Variants in NELL1 observed in about 807,000 individuals in gnomAD.
NELL1 encodes the protein neural EGFL like 1.
Under a neutral mutation model 107.4 loss-of-function variants are expected in NELL1, and 76 were observed. The ratio of observed to expected loss-of-function variants is 0.71; its 90% CI spans 0.59 to 0.86. NELL1 has a LOEUF of 0.86. Ranked by LOEUF, NELL1 falls within the 40% of genes least tolerant of loss-of-function variation. The pLI is 0.00. For missense variants in NELL1, 1,024 were observed against 1,005.5 expected, an observed-to-expected ratio of 1.02 and a Z score of -0.25; for synonymous variants, 353 against 341.2, an observed-to-expected ratio of 1.03 and a Z score of -0.38.
intron 1 of NELL1, among the ~76,000 whole-genome samples, chr11:20,676,129 A>T (rs1217936636): frequency 1.3e-5 from 2 of 151,910 alleles, no homozygotes; most frequent in African/African-American, 4.8e-5. Context: ...GGACACTCCC[A>T]GTTTGTTCCT....
At chr11:21,467,229 C>A (rs138960711) in intron 15 of NELL1, among the ~76,000 whole-genome samples, 43 of 152,200 alleles carry the variant, frequency 2.8e-4, no homozygotes, top group Non-Finnish European at 5.1e-4. Context: ...ACAAGGTACT[C>A]AGCCACTCTG....
intron 15 of NELL1, among the ~76,000 whole-genome samples, chr11:21,425,029 C>T (rs533135288): frequency 1.3e-5 from 2 of 152,102 alleles, no homozygotes; most frequent in South Asian, 4.2e-4. Flanking sequence ...TGCAAACATC[C>T]TCAAAAAAAT....
intron 17 of NELL1, among the ~76,000 whole-genome samples, chr11:21,563,273 A>G (rs961200243): frequency 2.0e-5 from 3 of 152,208 alleles, no homozygotes; most frequent in Non-Finnish European, 4.4e-5. Context: ...CCTGTGCTAC[A>G]TGGGAAGGTA....
intron 12 of NELL1, among the ~76,000 whole-genome samples, chr11:21,022,001 T>G (rs1430943952): frequency 6.6e-6 from 1 of 152,110 alleles, no homozygotes; most frequent in Non-Finnish European, 1.5e-5. Flanking sequence ...GCATCATCTT[T>G]GACCTCTTCC....
intron 3 of NELL1, among the ~76,000 whole-genome samples, chr11:20,807,361 C>T (rs1432277397): frequency 6.6e-6 from 1 of 152,148 alleles, no homozygotes. Context: ...TCTGGATTGC[C>T]AGGCTGAGAC....
At chr11:21,116,992 C>T (rs1855252172) in intron 13 of NELL1, among the ~76,000 whole-genome samples, 1 of 151,964 alleles carries the variant, frequency 6.6e-6, no homozygotes. Context: ...CCTTCTTTCC[C>T]TTCTGTCTTT....
At chr11:21,544,885 G>C (rs1003184433) in intron 16 of NELL1, among the ~76,000 whole-genome samples, 1 of 148,938 alleles carries the variant, frequency 6.7e-6, no homozygotes. Flanking sequence ...TTCAGATGAG[G>C]TTTTTTTTTT....
intron 2 of NELL1, among the ~76,000 whole-genome samples, chr11:20,682,254 T>C (rs975939971): frequency 6.6e-6 from 1 of 151,964 alleles, no homozygotes; most frequent in Non-Finnish European, 1.5e-5. Context: ...TCTTTAATTG[T>C]AACATCTGTA....
chr11:21,000,361 C>A (rs73458763), intron 12 of NELL1, among the ~76,000 whole-genome samples: 1 of 152,070 alleles, frequency 6.6e-6, no homozygotes, highest in African/African-American at 2.4e-5. Context: ...CTTAAGGGAA[C>A]CTTTATGAAC....
chr11:21,008,976 C>A (rs1186816652), intron 12 of NELL1, among the ~76,000 whole-genome samples: 1 of 152,044 alleles, frequency 6.6e-6, no homozygotes, highest in Non-Finnish European at 1.5e-5. Context: ...CAACGGGATC[C>A]AATCAGGTTC....
At chr11:20,865,769 G>A in intron 4 of NELL1, among the ~76,000 whole-genome samples, 1 of 152,098 alleles carries the variant, frequency 6.6e-6, no homozygotes, top group East Asian at 1.9e-4. Flanking sequence ...CACACTGTGA[G>A]GTGCCACCAT....
chr11:21,353,799 ACTTC>A (rs1850869729), intron 14 of NELL1, among the ~76,000 whole-genome samples: 1 of 152,222 alleles, frequency 6.6e-6, no homozygotes, highest in Non-Finnish European at 1.5e-5. Flanking sequence ...TCTAATGCTT[ACTTC>A]CTTGGTTGAG....
chr11:21,327,155 A>T (rs1402992125), intron 14 of NELL1, among the ~76,000 whole-genome samples: 1 of 102,994 alleles, frequency 9.7e-6, no homozygotes, highest in Non-Finnish European at 1.8e-5. Flanking sequence ...TTCTCATGAG[A>T]TCTGATGTTT....
chr11:21,159,287 C>G (rs2133797342), intron 13 of NELL1, among the ~76,000 whole-genome samples: 1 of 152,224 alleles, frequency 6.6e-6, no homozygotes. Flanking sequence ...ATCATACATC[C>G]TCCTCAGTTC....
In NELL1 at chr11:20,960,287, A is replaced by G. The variant is rs551342655; in HGVS notation, c.1172-145A>G. ...CAAAGTTTCCTATATCTATTCTGCC[A>G]CTTTCCTATCCAGTTTATCCGTGCA... On this transcript the variant is annotated intron_variant, in intron 11 of 19. Transcript: ENST00000357134. 3.0e-5 allele frequency: 25 copies of G among 821,424 alleles called. No individual in the cohort carries two copies. In the East Asian group the frequency reaches 6.5e-4, roughly 21 times the overall value. The allele number at this position is 821,424 out of a possible 1,614,324, so 50.9% of individuals were successfully genotyped here.
At chr11:20,705,338 C>T (rs573665110) in intron 2 of NELL1, among the ~76,000 whole-genome samples, 1 of 152,164 alleles carries the variant, frequency 6.6e-6, no homozygotes, top group South Asian at 2.1e-4. Context: ...TGGAACAGAA[C>T]AGAGCCCTCA....
intron 15 of NELL1, among the ~76,000 whole-genome samples, chr11:21,456,494 TAAATTGTTGGGG>T (rs939239408): frequency 2.0e-5 from 3 of 152,132 alleles, no homozygotes; most frequent in Non-Finnish European, 2.9e-5. Flanking sequence ...AGTTATTTTA[TAAATTGTTGGGG>T]ATTTTATTAT....
intron 12 of NELL1, among the ~76,000 whole-genome samples, chr11:21,025,663 G>A (rs188725943): frequency 5.9e-4 from 90 of 152,042 alleles, no homozygotes; most frequent in Non-Finnish European, 1.2e-3. Flanking sequence ...CACTCCCTTC[G>A]TGATCTGATC....
At chr11:21,398,338 C>T (rs938723989) in intron 15 of NELL1, among the ~76,000 whole-genome samples, 1 of 151,770 alleles carries the variant, frequency 6.6e-6, no homozygotes, top group Admixed American at 6.6e-5. Flanking sequence ...AAATATGACA[C>T]GTATTGTTCC....
Sources: allele counts gnomAD v4.1 joint callset (sites outside exome capture counted in the v4.1 genomes callset), GRCh38; gene constraint gnomAD v4.1.1; transcripts MANE v1.5; gene names NCBI Gene and HGNC (gene_info 2026-07-23, HGNC 2026-07-21).